Variants in IFT52 observed in about 807,000 individuals in gnomAD.
IFT52 encodes the protein intraflagellar transport protein 52 homolog.
In IFT52, 44 loss-of-function variants were observed where a neutral mutation model predicts 54.4. That is an observed-to-expected ratio of 0.81 (90% confidence interval 0.63 to 1.04). The LOEUF (loss-of-function observed/expected upper bound fraction) is 1.04, where lower values mean the gene tolerates loss of function less well. Ranked by LOEUF, IFT52 falls within the 50% of genes least tolerant of loss-of-function variation. The probability of loss-of-function intolerance (pLI) is 0.00; values close to 1 mark genes in which losing one functional copy is unlikely to be tolerated. For missense variants in IFT52, 452 were observed against 523.6 expected (o/e 0.86, Z 1.33); for synonymous variants, 181 against 185.3 (o/e 0.98, Z 0.19).
intron 11 of IFT52, 96 bp downstream of exon 11, chr20:43,636,109 T>G: frequency 8.9e-7 from 1 of 1,123,196 alleles, no homozygotes; most frequent in South Asian, 1.3e-5. Flanking sequence ...ATGTGCCATT[T>G]GTGGCACTCC....
intron 13 of IFT52, 116 bp from the exon 14 acceptor site, chr20:43,646,820 T>C: frequency 1.1e-6 from 1 of 882,182 alleles, no homozygotes; most frequent in Non-Finnish European, 1.8e-6. Context: ...CCAGATATTA[T>C]GTATATGTCC....
chr20:43,615,731 G>A (rs1983807877), intron 7 of IFT52, among the ~76,000 whole-genome samples: 1 of 152,104 alleles, frequency 6.6e-6, no homozygotes, highest in Admixed American at 6.5e-5. Flanking sequence ...GAGGTCAGGA[G>A]ATTGAGACCA....
chr20:43,643,594 A>G lies in IFT52; in HGVS notation c.1266+970A>G, dbSNP rs1356269743. Reference sequence around the variant, plus strand: ...GGAGATCAGGGTGGGTTTCATTGCAAAGTTGTATTGGAGCAAAGATTTGAA... The same window carrying G: ...GGAGATCAGGGTGGGTTTCATTGCAGAGTTGTATTGGAGCAAAGATTTGAA... On this transcript the variant is annotated intron_variant, in intron 13 of 13. Coordinates refer to ENST00000373030, the MANE Select transcript of IFT52 (RefSeq NM_016004.5). 3.5e-5 allele frequency among the ~76,000 whole-genome samples: 2 copies of G among 57,886 alleles called. 1 individual carries two copies. The highest frequency in any genetic ancestry group is 1.0e-4 in the African/African-American group (2 of 19,930). 38.0% of individuals were successfully genotyped at this position (57,886 alleles called of 152,430 possible). A position where few individuals can be genotyped will look rare whatever the true frequency, so the allele number is the denominator to read the frequency against.
chr20:43,606,791 A>C, intron 6 of IFT52, among the ~76,000 whole-genome samples: 1 of 152,100 alleles, frequency 6.6e-6, no homozygotes, highest in Non-Finnish European at 1.5e-5. Context: ...GATGACTCTT[A>C]ACGAGCATGC....
intron 12 of IFT52, among the ~76,000 whole-genome samples, chr20:43,637,893 A>G (rs1985653541): frequency 6.6e-6 from 1 of 152,204 alleles, no homozygotes; most frequent in Non-Finnish European, 1.5e-5. Context: ...GTCAGTGGTC[A>G]TAGGAGCAGC....
At chr20:43,599,886 C>A (rs1982289418) in intron 3 of IFT52, among the ~76,000 whole-genome samples, 1 of 152,044 alleles carries the variant, frequency 6.6e-6, no homozygotes, top group African/African-American at 2.4e-5. Flanking sequence ...CCTAACAGAC[C>A]AGCATCCACC....
intron 10 of IFT52, among the ~76,000 whole-genome samples, chr20:43,627,996 G>A (rs1374521339): frequency 1.5e-5 from 2 of 133,868 alleles, no homozygotes; most frequent in African/African-American, 5.6e-5. Flanking sequence ...GCACGATCTC[G>A]GCTCACTGCA....
chr20:43,627,920 GAGT>G (rs754438123), intron 10 of IFT52, among the ~76,000 whole-genome samples: 241 of 58,210 alleles, frequency 4.1e-3, no homozygotes, highest in African/African-American at 0.014. Flanking sequence ...GAGAGAGAGA[GAGT>G]TTTTTTTTTT....
chr20:43,593,864 C>T (rs962516856), intron 1 of IFT52, among the ~76,000 whole-genome samples: 7 of 152,044 alleles, frequency 4.6e-5, no homozygotes, highest in Admixed American at 2.0e-4. Flanking sequence ...GCACCCAGCC[C>T]TGTGTAGCTG....
In IFT52 at chr20:43,647,175, C is replaced by T. The variant is rs925405464; in HGVS notation, c.*192C>T. ...CAAAATCCTTATGTAAGATACATTC[C>T]ATTTTTAAAAATTAAATGTATGGTT... On this transcript the variant is annotated 3_prime_UTR_variant, in exon 14 of 14. Transcript: ENST00000373030. The T allele has an allele frequency of 6.1e-5, 35 of 576,112 alleles. No individual in the cohort carries two copies. Among genetic ancestry groups the T allele is most frequent in the Non-Finnish European group, 9.2e-5 (30 of 325,738 alleles). The allele number at this position is 576,112 out of a possible 1,614,324, so 35.7% of individuals were successfully genotyped here. A position where few individuals can be genotyped will look rare whatever the true frequency, so the allele number is the denominator to read the frequency against.
intron 6 of IFT52, among the ~76,000 whole-genome samples, chr20:43,610,772 A>G (rs1174108854): frequency 3.9e-5 from 6 of 152,058 alleles, no homozygotes. Context: ...GAATCAATCT[A>G]ATTATTTCAC....
chr20:43,633,655 C>T (rs1299447737), intron 10 of IFT52, among the ~76,000 whole-genome samples: 1 of 152,074 alleles, frequency 6.6e-6, no homozygotes, highest in Non-Finnish European at 1.5e-5. Context: ...TTGCAGTGAG[C>T]TGAGATTGCA....
chr20:43,616,530 A>T (rs137929300), intron 7 of IFT52, among the ~76,000 whole-genome samples: 1 of 151,764 alleles, frequency 6.6e-6, no homozygotes, highest in East Asian at 1.9e-4. Context: ...AAAAAAAGTA[A>T]TATTGTAGAA....
chr20:43,600,623 A>G (rs1475443883), intron 3 of IFT52, among the ~76,000 whole-genome samples: 4 of 152,040 alleles, frequency 2.6e-5, no homozygotes, highest in African/African-American at 9.7e-5. Context: ...GTAGTTGGGT[A>G]CCTCCGAATT....
At chr20:43,618,874 T>C in intron 7 of IFT52, 66 bp from the exon 8 acceptor site, 1 of 981,044 alleles carries the variant, frequency 1.0e-6, no homozygotes, top group East Asian at 2.4e-5. Flanking sequence ...AATAAGTGTC[T>C]GGGTACTAGG....
chr20:43,635,787 T>G, intron 10 of IFT52, 139 bp from the exon 11 acceptor site: 1 of 674,048 alleles, frequency 1.5e-6, no homozygotes, highest in Middle Eastern at 2.5e-4. Context: ...TACCCAGTAA[T>G]GGGATTGCTG....
chr20:43,638,924 G>A (rs1356165021), intron 12 of IFT52, among the ~76,000 whole-genome samples: 2 of 152,186 alleles, frequency 1.3e-5, no homozygotes, highest in East Asian at 3.9e-4. Context: ...ACAGTTCAGT[G>A]TAAACGAAGA....
rs1186981915 is a variant in IFT52 at position 43,603,771 on chromosome 20, G to A, written c.219G>A (p.Leu73=). ...EKFTAAEFEI[L]KKYLDTGGDV... is the part of the protein sequence containing the mutation. ...TTTCCTTTGTGTAGTTTGAAATCCTGAAGAAATATCTTGACACTGGTGGAG... is the reference window on the plus strand; with the variant it reads ...TTTCCTTTGTGTAGTTTGAAATCCTAAAGAAATATCTTGACACTGGTGGAG... The change falls in exon 4 of 14, where the codon CTG becomes CTA. Residue 73 remains leucine (L), a synonymous_variant. Transcript: ENST00000373030. 6 of 1,611,902 alleles carry A rather than the reference G, an allele frequency of 3.7e-6. No individual in the cohort carries two copies. The East Asian group carries it at 6.7e-5, about 18-fold the overall frequency.
intron 7 of IFT52, among the ~76,000 whole-genome samples, chr20:43,614,267 C>G (rs935516395): frequency 4.0e-5 from 6 of 148,864 alleles, no homozygotes; most frequent in African/African-American, 1.5e-4. Flanking sequence ...GAGATGGAGT[C>G]TCTGTTGCCC....
Sources: gnomAD v4.1 joint callset for allele counts (sites outside exome capture counted in the v4.1 genomes callset) on GRCh38, gnomAD v4.1.1 for gene constraint, MANE v1.5 for transcripts, NCBI Gene and HGNC (gene_info 2026-07-23, HGNC 2026-07-21) for gene names.